DPP10: variants seen among roughly 807,000 people sequenced by gnomAD.
DPP10 encodes the protein inactive dipeptidyl peptidase 10.
Under a neutral mutation model 120.9 loss-of-function variants are expected in DPP10, and 33 were observed. The ratio of observed to expected loss-of-function variants is 0.27; its 90% CI spans 0.21 to 0.37. The LOEUF (loss-of-function observed/expected upper bound fraction) is 0.37. Ranked by LOEUF, DPP10 falls within the 10% of genes least tolerant of loss-of-function variation. The pLI, the probability that DPP10 is intolerant of heterozygous loss-of-function variation, is 1.00. For synonymous variants in DPP10, 337 were observed against 326.1 expected, an observed-to-expected ratio of 1.03 and a Z score of -0.36; for missense variants, 816 against 942.8, an observed-to-expected ratio of 0.87 and a Z score of 1.76.
intron 1 of DPP10, among the ~76,000 whole-genome samples, chr2:114,813,941 AACAC>A (rs375858356): frequency 0.067 from 9,265 of 139,322 alleles, 292 homozygotes; most frequent in South Asian, 0.1. Flanking sequence ...GGCACGCATG[AACAC>A]ACACACACAC....
chr2:115,385,374 A>C lies in DPP10; in HGVS notation c.271+41462A>C, dbSNP rs370406911. Among the ~76,000 whole-genome samples, 4 of 151,096 alleles carry C rather than the reference A, an allele frequency of 2.6e-5. No homozygotes were observed. In the South Asian group the frequency reaches 8.4e-4, roughly 32 times the overall value. ...TTCTTTTTTTTTTTTTTTTAAATCA[A>C]GACAGAGTTTCGCTCTTGTCGCCCA... is the stretch of plus-strand genomic sequence containing the variant. On this transcript the variant is annotated intron_variant, in intron 3 of 25. Transcript: ENST00000410059.
chr2:115,263,924 A>T (rs2059356619), intron 1 of DPP10, among the ~76,000 whole-genome samples: 1 of 152,122 alleles, frequency 6.6e-6, no homozygotes, highest in Non-Finnish European at 1.5e-5. Flanking sequence ...TATTCAATAG[A>T]TTTTGTATGT....
intron 1 of DPP10, among the ~76,000 whole-genome samples, chr2:115,282,926 T>C (rs767469292): frequency 6.6e-6 from 1 of 152,122 alleles, no homozygotes; most frequent in Non-Finnish European, 1.5e-5. Flanking sequence ...TCCCTTTTAC[T>C]GACTGTTTGC....
intron 19 of DPP10, among the ~76,000 whole-genome samples, chr2:115,808,852 G>A (rs1686314677): frequency 6.6e-6 from 1 of 152,186 alleles, no homozygotes; most frequent in Non-Finnish European, 1.5e-5. Flanking sequence ...ACATTATCAG[G>A]TAGCCTTCAT....
At chr2:114,754,800 G>A (rs986989389) in intron 1 of DPP10, among the ~76,000 whole-genome samples, 1 of 152,166 alleles carries the variant, frequency 6.6e-6, no homozygotes, top group African/African-American at 2.4e-5. Context: ...TAACCAGACT[G>A]TTAGTATGCT....
At chr2:115,430,311 C>T (rs186764390) in intron 3 of DPP10, among the ~76,000 whole-genome samples, 2 of 152,242 alleles carry the variant, frequency 1.3e-5, no homozygotes, top group East Asian at 1.9e-4. Context: ...CTGCCAGATC[C>T]ACCGTTGGAC....
At chr2:115,088,609 A>G (rs894451582) in intron 1 of DPP10, among the ~76,000 whole-genome samples, 1 of 151,600 alleles carries the variant, frequency 6.6e-6, no homozygotes, top group East Asian at 2.0e-4. Flanking sequence ...TGCCTGATTG[A>G]TTTTTTTAAA....
intron 2 of DPP10, among the ~76,000 whole-genome samples, chr2:115,326,956 T>G (rs2062403202): frequency 6.6e-6 from 1 of 152,062 alleles, no homozygotes; most frequent in South Asian, 2.1e-4. Context: ...TACAGTAGTG[T>G]GCAGTAATAT....
At chr2:115,756,871 AAG>A (rs1679475313) in intron 11 of DPP10, among the ~76,000 whole-genome samples, 1 of 152,084 alleles carries the variant, frequency 6.6e-6, no homozygotes, top group African/African-American at 2.4e-5. Context: ...CAGAAGGGCA[AAG>A]AGAGGGTGAG....
At chr2:114,892,594 G>A (rs1246082900) in intron 1 of DPP10, among the ~76,000 whole-genome samples, 1 of 152,238 alleles carries the variant, frequency 6.6e-6, no homozygotes, top group East Asian at 1.9e-4. Context: ...GATAAGGACA[G>A]ACCGCTGAGC....
intron 1 of DPP10, among the ~76,000 whole-genome samples, chr2:114,642,183 T>C (rs1447469611): frequency 2.6e-5 from 4 of 151,918 alleles, no homozygotes; most frequent in Non-Finnish European, 5.9e-5. Context: ...CCAAATATTC[T>C]CATAGTTCTC....
intron 3 of DPP10, among the ~76,000 whole-genome samples, chr2:115,382,161 C>T (rs2066433297): frequency 6.6e-6 from 1 of 152,206 alleles, no homozygotes; most frequent in East Asian, 1.9e-4. Flanking sequence ...CCCAGCCTCA[C>T]TGCCACCTTG....
chr2:115,086,732 G>A (rs1708738448), intron 1 of DPP10, among the ~76,000 whole-genome samples: 1 of 151,994 alleles, frequency 6.6e-6, no homozygotes, highest in Admixed American at 6.6e-5. Context: ...CTGGGATTAG[G>A]GCGTGAGCCA....
chr2:114,921,793 A>T (rs1199575011), intron 1 of DPP10, among the ~76,000 whole-genome samples: 1 of 152,250 alleles, frequency 6.6e-6, no homozygotes, highest in Non-Finnish European at 1.5e-5. Context: ...CAAGATACCT[A>T]CCACAAAGCC....
intron 1 of DPP10, among the ~76,000 whole-genome samples, chr2:114,491,239 A>G (rs1256447942): frequency 2.0e-5 from 3 of 152,176 alleles, no homozygotes; most frequent in Non-Finnish European, 4.4e-5. Flanking sequence ...TAAAGTTTGG[A>G]AAATACAATG....
rs1430765320 is a variant in DPP10 at position 114,989,583 on chromosome 2, G to A, written c.61-319656G>A. ...TTTGAGCAAATGGGTTACTGGATCT[G>A]GCTCATGTGAGATCATTCTAACAGA... is the stretch of plus-strand genomic sequence containing the variant. On this transcript the variant is annotated intron_variant, in intron 1 of 25. Coordinates refer to ENST00000410059, the MANE Select transcript of DPP10 (RefSeq NM_020868.6). Among the ~76,000 whole-genome samples the A allele has an allele frequency of 3.3e-5, 5 of 152,152 alleles. No homozygotes were observed. The South Asian group carries it at 1.0e-3, about 32-fold the overall frequency.
At chr2:114,614,703 A>G (rs1161830165) in intron 1 of DPP10, among the ~76,000 whole-genome samples, 1 of 152,118 alleles carries the variant, frequency 6.6e-6, no homozygotes, top group Non-Finnish European at 1.5e-5. Context: ...TTCCAATAAC[A>G]TTGTGATTCT....
chr2:114,977,443 CT>C (rs1574617988), intron 1 of DPP10, among the ~76,000 whole-genome samples: 1 of 152,088 alleles, frequency 6.6e-6, no homozygotes, highest in East Asian at 1.9e-4. Context: ...TAAAAATAAT[CT>C]ACTTTTTTAT....
chr2:115,010,890 C>T (rs192936294), intron 1 of DPP10, among the ~76,000 whole-genome samples: 1 of 152,186 alleles, frequency 6.6e-6, no homozygotes, highest in Admixed American at 6.5e-5. Flanking sequence ...TGATGCAGAA[C>T]AACTAAATAA....
Sources: allele counts gnomAD v4.1 joint callset (sites outside exome capture counted in the v4.1 genomes callset), GRCh38; gene constraint gnomAD v4.1.1; transcripts MANE v1.5; gene names NCBI Gene and HGNC (gene_info 2026-07-23, HGNC 2026-07-21).